The following DUS2 variants were observed in gnomAD, a reference collection of about 807,000 sequenced individuals.
The protein encoded by DUS2 is dihydrouridine synthase 2.
In DUS2, 52 loss-of-function variants were observed where a neutral mutation model predicts 71.3. The ratio of observed to expected loss-of-function variants is 0.73; its 90% CI spans 0.58 to 0.92. DUS2 has a LOEUF of 0.92. Among genes scored for constraint, DUS2 ranks in the 40% least tolerant of loss-of-function variants. DUS2 has a pLI of 0.00. For missense variants in DUS2, 558 were observed against 622.6 expected (o/e 0.90, Z 1.10); for synonymous variants, 204 against 227.8 (o/e 0.90, Z 0.94).
intron 13 of DUS2, among the ~76,000 whole-genome samples, chr16:68,074,967 C>T (rs1359067748): frequency 3.3e-5 from 5 of 152,292 alleles, no homozygotes; most frequent in Admixed American, 6.5e-5. Context: ...AAGTGGGGAA[C>T]CACTTAGTGG....
chr16:68,028,218 G>A (rs7193014), intron 2 of DUS2, among the ~76,000 whole-genome samples: 5,393 of 152,190 alleles, frequency 0.035, 312 homozygotes, highest in African/African-American at 0.12. Context: ...GATAGATGAT[G>A]GCAGTTGTAG....
chr16:68,030,023 G>C (rs1028202178), intron 2 of DUS2, among the ~76,000 whole-genome samples: 2 of 151,728 alleles, frequency 1.3e-5, no homozygotes, highest in African/African-American at 4.8e-5. Flanking sequence ...TGGGATTACA[G>C]GTGTGAGCCA....
chr16:68,027,749 C>T (rs189763203), intron 2 of DUS2, among the ~76,000 whole-genome samples: 1 of 152,128 alleles, frequency 6.6e-6, no homozygotes, highest in African/African-American at 2.4e-5. Context: ...GATGCCTTTA[C>T]CCTGTTTTGG....
At chr16:68,039,681 A>G (rs2033592593) in intron 3 of DUS2, among the ~76,000 whole-genome samples, 1 of 152,022 alleles carries the variant, frequency 6.6e-6, no homozygotes, top group Non-Finnish European at 1.5e-5. Flanking sequence ...TCCGCCTTCC[A>G]AAGTGCTGGG....
intron 3 of DUS2, among the ~76,000 whole-genome samples, chr16:68,039,393 C>T (rs1395659200): frequency 1.3e-5 from 2 of 151,884 alleles, no homozygotes; most frequent in East Asian, 1.9e-4. Context: ...CAAAACCAGC[C>T]TTGGCAACAT....
Position 68,079,272 on chromosome 16 carries a change from C to A in DUS2, c.*286C>A. ...TTGGTACTGTGCAATAAAGACACCC[C>A]CTACCCTCACCCACGGCTGGCTGCT... On this transcript the variant is annotated 3_prime_UTR_variant, in exon 17 of 17. Transcript: ENST00000565263. The A allele has an allele frequency of 3.6e-6, 1 of 280,584 alleles. No homozygotes were observed. The highest frequency in any genetic ancestry group is 6.1e-5 in the East Asian group (1 of 16,272). 17.4% of individuals were successfully genotyped at this position (280,584 alleles called of 1,614,324 possible). A position where few individuals can be genotyped will look rare whatever the true frequency, so the allele number is the denominator to read the frequency against.
At position 68,049,509 on chromosome 16, in the gene DUS2, T is replaced by G; in HGVS notation, c.131T>G (p.Leu44Arg). The G allele has an allele frequency of 6.2e-7, 1 of 1,614,214 alleles. No homozygotes were observed. The change falls in exon 4 of 17, where the codon CTG becomes CGG. Residue 44 changes from leucine to arginine, a missense_variant. Leu to Arg is a moderately radical substitution (Grantham distance 102). Transcript: ENST00000565263. The part of the protein sequence containing the change: ...YGADIVYCEE[L>R]IDLKMIQCKR... ...CGTCCTCTGATTCCTCTGCAGGAGCTGATCGACCTCAAGATGATTCAGTGC... is the reference window on the plus strand; with the variant it reads ...CGTCCTCTGATTCCTCTGCAGGAGCGGATCGACCTCAAGATGATTCAGTGC...
intron 3 of DUS2, among the ~76,000 whole-genome samples, chr16:68,048,605 G>A (rs1000473246): frequency 2.0e-5 from 3 of 152,184 alleles, no homozygotes; most frequent in Non-Finnish European, 2.9e-5. Flanking sequence ...GGTATGCTGC[G>A]GGAAGTCCCA....
chr16:68,048,760 C>T (rs927956273), intron 3 of DUS2, among the ~76,000 whole-genome samples: 2 of 152,046 alleles, frequency 1.3e-5, no homozygotes, highest in African/African-American at 4.8e-5. Flanking sequence ...GTAAGCACCT[C>T]TTCTTTTCTT....
intron 2 of DUS2, among the ~76,000 whole-genome samples, chr16:68,030,278 C>T (rs543669012): frequency 6.6e-6 from 1 of 152,056 alleles, no homozygotes; most frequent in South Asian, 2.1e-4. Context: ...GAGATAAGAA[C>T]TGTTTCCAAG....
intron 11 of DUS2, 55 bp downstream of exon 11, chr16:68,070,275 T>A: frequency 6.4e-7 from 1 of 1,556,414 alleles, no homozygotes; most frequent in Admixed American, 1.7e-5. Flanking sequence ...AAGGGCTGGG[T>A]GGTAGCCAGG....
chr16:68,078,892 C>A lies in DUS2; in HGVS notation c.1388C>A (p.Pro463His). 6.2e-7 allele frequency: 1 copy of A among 1,613,286 alleles called. No homozygotes were observed. The highest frequency in any genetic ancestry group is 8.5e-7 in the Non-Finnish European group (1 of 1,179,426). The change falls in exon 17 of 17, where the codon CCC becomes CAC. Residue 463 changes from proline to histidine, a missense_variant. Pro to His is a moderately conservative substitution (Grantham distance 77). Coordinates refer to ENST00000565263, the MANE Select transcript of DUS2 (RefSeq NM_017803.5). ...GCTCCTGACCAAGACCCTGGGGGCC[C>A]CAGAGCTCAGGAGCTAGCACAACCT... ...REAPDQDPGG[P>H]RAQELAQPGD...
intron 8 of DUS2, among the ~76,000 whole-genome samples, chr16:68,066,027 A>G (rs140454888): frequency 6.6e-6 from 1 of 152,274 alleles, no homozygotes; most frequent in East Asian, 1.9e-4. Context: ...AGTGAGCTGC[A>G]CACAGGTGTA....
chr16:68,073,955 A>G, intron 12 of DUS2, 79 bp from the exon 13 acceptor site: 1 of 1,574,806 alleles, frequency 6.3e-7, no homozygotes, highest in South Asian at 1.1e-5. Context: ...GCCTTCTTGG[A>G]GCTCCTTTCC....
intron 4 of DUS2, among the ~76,000 whole-genome samples, chr16:68,052,628 A>C (rs1373531298): frequency 6.6e-6 from 1 of 151,928 alleles, no homozygotes; most frequent in Non-Finnish European, 1.5e-5. Flanking sequence ...AAACATAGAC[A>C]AACTTCCATG....
At chr16:68,071,192 T>C in intron 12 of DUS2, 84 bp downstream of exon 12, 2 of 1,461,210 alleles carry the variant, frequency 1.4e-6, no homozygotes, top group Non-Finnish European at 1.9e-6. Context: ...AGCCCCCAGC[T>C]GCCAGCTGTG....
At chr16:68,078,677 C>A in intron 16 of DUS2, 72 bp from the exon 17 acceptor site, 1 of 1,522,462 alleles carries the variant, frequency 6.6e-7, no homozygotes, top group Non-Finnish European at 9.0e-7. Flanking sequence ...TCAGAATCTG[C>A]CAAGGATGTG....
At position 68,076,798 on chromosome 16, in the gene DUS2, G is replaced by T. The variant is rs142822087; in HGVS notation, c.1170+79G>T. ...TACACCCTCAACTCTAGATTGCCAG[G>T]CTGGAGCCTGGCCTTGACCTCTGTA... On this transcript the variant is annotated intron_variant, in intron 15 of 16. Transcript: ENST00000565263. 167 of 1,341,984 alleles carry T rather than the reference G, an allele frequency of 1.2e-4. 1 individual carries two copies. In the East Asian group the frequency reaches 3.8e-3, roughly 30 times the overall value. 83.1% of individuals were successfully genotyped at this position (1,341,984 alleles called of 1,614,324 possible).
At chr16:68,057,822 A>G (rs562691275) in intron 7 of DUS2, among the ~76,000 whole-genome samples, 8 of 150,424 alleles carry the variant, frequency 5.3e-5, no homozygotes, top group Non-Finnish European at 7.4e-5. Context: ...CGGAGGTTGC[A>G]GTGAGCAAGA....
Sources: allele counts gnomAD v4.1 joint callset (sites outside exome capture counted in the v4.1 genomes callset), GRCh38; gene constraint gnomAD v4.1.1; transcripts MANE v1.5; gene names NCBI Gene and HGNC (gene_info 2026-07-23, HGNC 2026-07-21).